The following LIG1 variants were observed in gnomAD, a reference collection of about 807,000 sequenced individuals.
LIG1 encodes the protein ligase I, DNA, ATP-dependent.
In LIG1, 70 loss-of-function variants were observed where a neutral mutation model predicts 115.7. The ratio of observed to expected loss-of-function variants is 0.60; its 90% CI spans 0.50 to 0.74. The LOEUF is 0.74. Ranked by LOEUF, LIG1 falls within the 30% of genes least tolerant of loss-of-function variation. The probability of loss-of-function intolerance (pLI) is 0.00; values close to 1 mark genes in which losing one functional copy is unlikely to be tolerated. For synonymous variants in LIG1, 487 were observed against 495.3 expected (o/e 0.98, Z 0.22); for missense variants, 1,115 against 1,225.6 (o/e 0.91, Z 1.35).
chr19:48,140,125 C>A lies in LIG1; in HGVS notation c.933G>T (p.Thr311=), dbSNP rs41548021. ...CCACGGAGCGCAGCAAGTTGCTCAG[C>A]GTCTCCACCATCCGGAGCCTGGAGG... ...EVSARLRMVE[T]LSNLLRSVVA... The change falls in exon 12 of 28, where the codon ACG becomes ACT. Residue 311 remains threonine, a synonymous_variant. Coordinates refer to ENST00000263274, the MANE Select transcript of LIG1 (RefSeq NM_000234.3). 279 of 1,612,112 alleles carry A rather than the reference C, an allele frequency of 1.7e-4. No individual in the cohort carries two copies. Among genetic ancestry groups the A allele is most frequent in the Non-Finnish European group, 2.2e-4 (257 of 1,179,258 alleles).
At chr19:48,134,879 C>T (rs377034582) in intron 16 of LIG1, among the ~76,000 whole-genome samples, 2 of 152,216 alleles carry the variant, frequency 1.3e-5, no homozygotes, top group Non-Finnish European at 2.9e-5. Flanking sequence ...GAACTGCCAT[C>T]GGCCCTCCTG....
chr19:48,161,474 G>A lies in LIG1; in HGVS notation c.141C>T (p.Ser47=), dbSNP rs142284697. 1.1e-4 allele frequency: 172 copies of A among 1,614,046 alleles called. No homozygotes were observed. The highest frequency in any genetic ancestry group is 6.3e-4 in the African/African-American group (47 of 74,992). The change falls in exon 4 of 28, where the codon TCC becomes TCT. Residue 47 remains serine, a synonymous_variant. Transcript: ENST00000263274. The part of the protein sequence containing the change: ...AALKEWNGVV[S]ESDSPVKRPG... ...GCCTCTTCACCGGAGAGTCACTCTC[G>A]GACACCACTCCATTCCACTCCTTCA...
intron 7 of LIG1, among the ~76,000 whole-genome samples, 195 bp from the exon 8 acceptor site, chr19:48,150,405 A>G (rs1214633237): frequency 6.6e-6 from 1 of 152,152 alleles, no homozygotes; most frequent in Non-Finnish European, 1.5e-5. Context: ...GCGGAATTCT[A>G]GCACTTGGCC....
At chr19:48,133,165 A>G (rs1444175723) in intron 17 of LIG1, 68 bp from the exon 18 acceptor site, 4 of 1,031,984 alleles carry the variant, frequency 3.9e-6, no homozygotes, top group Non-Finnish European at 6.2e-6. Flanking sequence ...CATGGAGAGG[A>G]GAACTGCTAA....
intron 9 of LIG1, among the ~76,000 whole-genome samples, chr19:48,145,706 A>C (rs2035069781): frequency 6.6e-6 from 1 of 152,194 alleles, no homozygotes; most frequent in Admixed American, 6.5e-5. Context: ...CAGCCTGGCT[A>C]GAACCACAAT....
At chr19:48,119,265 T>G in intron 24 of LIG1, 75 bp from the exon 25 acceptor site, 2 of 1,181,826 alleles carry the variant, frequency 1.7e-6, no homozygotes, top group Non-Finnish European at 2.5e-6. Flanking sequence ...TCTAAAGCTG[T>G]GTACACTCAT....
rs776965171 is a variant in LIG1, at chr19:48,153,192, CAA to C, written c.466+678_466+679del. 8.2e-3 allele frequency among the ~76,000 whole-genome samples: 528 copies of C among 64,418 alleles called. 6 individuals are homozygous for C. The highest frequency in any genetic ancestry group is 0.022 in the African/African-American group (436 of 20,128). 42.3% of individuals were successfully genotyped at this position (64,418 alleles called of 152,430 possible). A position where few individuals can be genotyped will look rare whatever the true frequency, so the allele number is the denominator to read the frequency against. On this transcript the variant is annotated intron_variant, in intron 6 of 27. Coordinates refer to ENST00000263274, the MANE Select transcript of LIG1 (RefSeq NM_000234.3). ...CCTGAGCGACACAGTGAGACTGTCT[CAA>C]AAAAAAAAAAAAAAAAAAAGCACAA...
intron 7 of LIG1, 37 bp from the exon 8 acceptor site, chr19:48,150,247 T>G: frequency 1.2e-6 from 2 of 1,613,872 alleles, no homozygotes; most frequent in Non-Finnish European, 1.7e-6. Flanking sequence ...TGCAAACTCT[T>G]TGACCCTGAG....
chr19:48,135,666 T>A lies in LIG1; in HGVS notation c.1523+14A>T. The A allele has an allele frequency of 6.3e-7, 1 of 1,593,760 alleles. No homozygotes were observed. The highest frequency in any genetic ancestry group is 8.6e-7 in the Non-Finnish European group (1 of 1,162,894). On this transcript the variant is annotated intron_variant, in intron 16 of 27. Coordinates refer to ENST00000263274, the MANE Select transcript of LIG1 (RefSeq NM_000234.3). ...CACAGCCCCTGGCAACTCCACCCACTGCCCAGCTCTCACCAGAACGTCTGC... is the reference window on the plus strand; with the variant it reads ...CACAGCCCCTGGCAACTCCACCCACAGCCCAGCTCTCACCAGAACGTCTGC...
rs184017155 is a variant in LIG1, at chr19:48,139,885, C to T, written c.1087+86G>A. 4.2e-5 allele frequency: 62 copies of T among 1,471,092 alleles called. No homozygotes were observed. The East Asian group carries it at 1.4e-3, about 32-fold the overall frequency. 91.1% of individuals were successfully genotyped at this position (1,471,092 alleles called of 1,614,324 possible). On this transcript the variant is annotated intron_variant, in intron 12 of 27. Coordinates refer to ENST00000263274, the MANE Select transcript of LIG1 (RefSeq NM_000234.3). ...TCAACCCTGTTTCACAGCCTCTCTC[C>T]ACCATCTCTCCGATCCACCTGACCT...
intron 5 of LIG1, 74 bp downstream of exon 5, chr19:48,156,940 A>C (rs536230146): frequency 5.5e-6 from 2 of 366,924 alleles, no homozygotes; most frequent in South Asian, 1.6e-4. Context: ...CTATGTCTCA[A>C]AAAAAAAAAA....
chr19:48,160,705 G>A (rs905867126), intron 4 of LIG1, among the ~76,000 whole-genome samples: 2 of 152,094 alleles, frequency 1.3e-5, no homozygotes, highest in Admixed American at 6.5e-5. Flanking sequence ...CCACAGGAGA[G>A]GCTAGATATA....
chr19:48,132,860 G>C, intron 18 of LIG1, 122 bp downstream of exon 18: 1 of 710,096 alleles, frequency 1.4e-6, no homozygotes, highest in Non-Finnish European at 2.6e-6. Flanking sequence ...AGCCCAGAGA[G>C]ATGAGCGAGG....
In LIG1 at chr19:48,137,981, G is replaced by C. The variant is rs1299079582; in HGVS notation, c.1088-293C>G. The C allele has an allele frequency of 1.9e-6, 1 of 512,988 alleles. No individual in the cohort carries two copies. Among genetic ancestry groups the C allele is most frequent in the African/African-American group, 1.9e-5 (1 of 51,852 alleles). 31.8% of individuals were successfully genotyped at this position (512,988 alleles called of 1,614,324 possible). A position where few individuals can be genotyped will look rare whatever the true frequency, so the allele number is the denominator to read the frequency against. On this transcript the variant is annotated intron_variant, in intron 12 of 27. Transcript: ENST00000263274. This position sits in a 1 kb window ranked among gnomAD's most constrained non-coding sequence, Gnocchi z 4.3. ...GGGCCGGTGTCATCAGGGCGCGGAT[G>C]GGATTTAAAGCCACAGGCGGGACAA...
chr19:48,141,343 G>C (rs1411427940), intron 11 of LIG1, among the ~76,000 whole-genome samples: 1 of 152,116 alleles, frequency 6.6e-6, no homozygotes, highest in African/African-American at 2.4e-5. Context: ...TGTTGGTCAG[G>C]CTGGTCTCGA....
chr19:48,169,822 CT>C (rs2036684960), intron 1 of LIG1: 1 of 166,050 alleles, frequency 6.0e-6, no homozygotes, highest in Admixed American at 6.6e-5. Context: ...GGCCCCGCCC[CT>C]TAGCTCCCTT....
rs986139524 is a variant in LIG1, at chr19:48,150,000, C to T, written c.697+88G>A. 1.0e-5 allele frequency: 16 copies of T among 1,603,426 alleles called. No homozygotes were observed. In the African/African-American group the frequency reaches 1.3e-4, roughly 13 times the overall value. ...CAACCAGCAGGAAAGGAAGAAGGGT[C>T]TTCGCAGCATCTCAGGCCTCTGGAG... On this transcript the variant is annotated intron_variant, in intron 8 of 27. Transcript: ENST00000263274.
At chr19:48,158,818 G>A (rs2036004064) in intron 4 of LIG1, among the ~76,000 whole-genome samples, 1 of 152,150 alleles carries the variant, frequency 6.6e-6, no homozygotes, top group Non-Finnish European at 1.5e-5. Flanking sequence ...GCAGGCTCTC[G>A]GGGCACCTTC....
At chr19:48,162,220 G>A (rs2036220348) in intron 3 of LIG1, 42 bp downstream of exon 3, 1 of 1,555,174 alleles carries the variant, frequency 6.4e-7, no homozygotes. Context: ...AATCCTGACT[G>A]CTAAAGGAAA....
Sources: gnomAD v4.1 joint callset for allele counts (sites outside exome capture counted in the v4.1 genomes callset) on GRCh38, gnomAD v4.1.1 for gene constraint, Gnocchi (gnomAD v3.1) non-coding constraint, MANE v1.5 for transcripts, NCBI Gene and HGNC (gene_info 2026-07-23, HGNC 2026-07-21) for gene names.